Variants in SLC66A1 observed in about 807,000 individuals in gnomAD.
SLC66A1 encodes the protein lysosomal amino acid transporter 1 homolog.
SLC66A1 carries 23 observed loss-of-function variants against 33.0 expected under a neutral mutation model. The observed-to-expected ratio is 0.70, with a 90% confidence interval of 0.50 to 0.99. The LOEUF is 0.99. Ranked by LOEUF, SLC66A1 falls within the 50% of genes least tolerant of loss-of-function variation. The pLI is 0.00. For missense variants in SLC66A1, 335 were observed against 383.6 expected (o/e 0.87, Z 1.06); for synonymous variants, 164 against 175.5 (o/e 0.93, Z 0.52).
At chr1:19,326,809 C>T (rs901671885) in intron 6 of SLC66A1, among the ~76,000 whole-genome samples, 186 bp downstream of exon 6, 2 of 152,130 alleles carry the variant, frequency 1.3e-5, no homozygotes, top group East Asian at 1.9e-4. Context: ...GGAAAATGGG[C>T]GTGGCGTGGC....
chr1:19,327,127 C>T, intron 6 of SLC66A1, 100 bp from the exon 7 acceptor site: 2 of 1,202,316 alleles, frequency 1.7e-6, no homozygotes, highest in East Asian at 4.7e-5. Flanking sequence ...TGGCTCAGAG[C>T]AGGTGCACTG....
intron 2 of SLC66A1, among the ~76,000 whole-genome samples, chr1:19,323,614 C>G (rs1356745908): frequency 6.6e-6 from 1 of 152,078 alleles, no homozygotes; most frequent in African/African-American, 2.4e-5. Context: ...ACCATGTTGG[C>G]CAGGCTGGTC....
downstream of SLC66A1, among the ~76,000 whole-genome samples, chr1:19,329,533 C>T (rs889882471): frequency 2.0e-5 from 3 of 152,306 alleles, no homozygotes; most frequent in African/African-American, 4.8e-5. Context: ...TGACTCCCCA[C>T]GGGGAGCCTG....
rs866510175 is a variant in SLC66A1 at position 19,328,446 on chromosome 1, C to G, written c.805-126C>G. ...TAGCGGCTGGGAGGTTATGGCTGGC[C>G]CTTCCCACCTGCAGCGTGGGGGTGG... On this transcript the variant is annotated intron_variant, in intron 7 of 7. Transcript: ENST00000375153. This position sits in a 1 kb window ranked among gnomAD's most constrained non-coding sequence, Gnocchi z 4.7. The G allele has an allele frequency of 3.6e-5, 31 of 861,932 alleles. No individual in the cohort carries two copies. The highest frequency in any genetic ancestry group is 2.8e-4 in the Middle Eastern group (1 of 3,586). The allele number at this position is 861,932 out of a possible 1,614,324, so 53.4% of individuals were successfully genotyped here.
At position 19,328,722 on chromosome 1, in the gene SLC66A1, ACGG is replaced by A; in HGVS notation, c.*84_*86del. 1 of 1,485,464 alleles carries A rather than the reference ACGG, an allele frequency of 6.7e-7. No homozygotes were observed. The highest frequency in any genetic ancestry group is 9.2e-7 in the Non-Finnish European group (1 of 1,083,298). 92.0% of individuals were successfully genotyped at this position (1,485,464 alleles called of 1,614,324 possible). A position where few individuals can be genotyped will look rare whatever the true frequency, so the allele number is the denominator to read the frequency against. ...AGGAGGAGGTGTGGACAGTGATGGTACGGCGGCCCTGCATCAGCCTGCGGGTGG... is the reference window on the plus strand; with the variant it reads ...AGGAGGAGGTGTGGACAGTGATGGTACGGCCCTGCATCAGCCTGCGGGTGG... On this transcript the variant is annotated 3_prime_UTR_variant, in exon 8 of 8. Coordinates refer to ENST00000375153, the MANE Select transcript of SLC66A1 (RefSeq NM_001040125.2). This position sits in a 1 kb window ranked among gnomAD's most constrained non-coding sequence, Gnocchi z 4.7.
At position 19,324,666 on chromosome 1, in the gene SLC66A1, G is replaced by T. The variant is rs780074259; in HGVS notation, c.198G>T (p.Met66Ile). Residue 66 changes from methionine (M) to isoleucine (I), a missense_variant, in exon 3 of 8, where the codon ATG becomes ATT. Met to Ile is a conservative substitution (Grantham distance 10). Coordinates refer to ENST00000375153, the MANE Select transcript of SLC66A1 (RefSeq NM_001040125.2). ...QFIKAYKTGN[M>I]DQALSLWFLL... ...TCAAAGCCTACAAGACGGGCAACAT[G>T]GACCAGGCGCTGTCCCTGTGGTTCC... 1 of 1,614,202 alleles carries T rather than the reference G, an allele frequency of 6.2e-7. No homozygotes were observed. Among genetic ancestry groups the T allele is most frequent in the South Asian group, 1.1e-5 (1 of 91,090 alleles).
chr1:19,322,199 G>A (rs558029837), intron 2 of SLC66A1, among the ~76,000 whole-genome samples: 9 of 152,098 alleles, frequency 5.9e-5, no homozygotes, highest in Admixed American at 4.6e-4. Context: ...CAGACTGGAC[G>A]GGTGTAGGTG....
downstream of SLC66A1, among the ~76,000 whole-genome samples, chr1:19,331,525 G>A (rs892666515): frequency 7.9e-5 from 12 of 152,090 alleles, no homozygotes; most frequent in African/African-American, 2.4e-4. Context: ...GGAGTGGCCC[G>A]AACCCTGCTG....
rs2093872518 is a variant in SLC66A1 at position 19,327,161 on chromosome 1, A to G, written c.619-66A>G. On this transcript the variant is annotated intron_variant, in intron 6 of 7. Coordinates refer to ENST00000375153, the MANE Select transcript of SLC66A1 (RefSeq NM_001040125.2). The stretch of plus-strand genomic sequence containing the variant: ...TGTGGTGGGGCAGGTGGACATGTGG[A>G]CAGTTACAATCCAGAGTGACAAGAG... 7 of 1,445,568 alleles carry G rather than the reference A, an allele frequency of 4.8e-6. No individual in the cohort carries two copies. The South Asian group carries it at 8.6e-5, about 18-fold the overall frequency. The allele number at this position is 1,445,568 out of a possible 1,614,324, so 89.5% of individuals were successfully genotyped here.
At position 19,325,576 on chromosome 1, in the gene SLC66A1, T is replaced by C; in HGVS notation, c.376T>C (p.Ser126Pro). 6.3e-7 allele frequency: 1 copy of C among 1,594,356 alleles called. No homozygotes were observed. The highest frequency in any genetic ancestry group is 8.6e-7 in the Non-Finnish European group (1 of 1,163,712). ...YFYYKFRTRP[S>P]LLSAPINSVL... ...TTACTACAAGTTCAGGACGCGCCCC[T>C]CTCTGTGTGAGTATGGGGACCGCTC... is the stretch of plus-strand genomic sequence containing the variant. Residue 126 changes from serine to proline, a missense_variant, in exon 4 of 8, where the codon TCT becomes CCT. Transcript: ENST00000375153.
Position 19,328,155 on chromosome 1 carries a change from A to C in SLC66A1, c.805-417A>C. The C allele has an allele frequency of 3.3e-6, 1 of 301,952 alleles. No homozygotes were observed. Among genetic ancestry groups the C allele is most frequent in the Non-Finnish European group, 6.4e-6 (1 of 157,342 alleles). The allele number at this position is 301,952 out of a possible 1,614,324, so 18.7% of individuals were successfully genotyped here. Reference sequence around the variant, plus strand: ...CGTTACCTGGGTCTCATTTCGGAGCAAGTAAACATGGCCTTTGTTTTAATA... The same window carrying C: ...CGTTACCTGGGTCTCATTTCGGAGCCAGTAAACATGGCCTTTGTTTTAATA... On this transcript the variant is annotated intron_variant, in intron 7 of 7. Transcript: ENST00000375153. The surrounding 1 kb of genome is among the most constrained non-coding windows in gnomAD (Gnocchi z 4.7).
intron 7 of SLC66A1, 143 bp downstream of exon 7, chr1:19,327,555 C>CCCTCCCTA (rs1187151704): frequency 9.4e-7 from 1 of 1,061,212 alleles, no homozygotes; most frequent in South Asian, 1.4e-5. Context: ...CTCCCTCCCT[C>CCCTCCCTA]CATCTGTTCA....
chr1:19,325,717 C>A, intron 4 of SLC66A1, 135 bp downstream of exon 4: 1 of 753,356 alleles, frequency 1.3e-6, no homozygotes, highest in Non-Finnish European at 2.2e-6. Context: ...AAGCCTTCCC[C>A]GGGCCTTATC....
chr1:19,317,536 G>C, intron 1 of SLC66A1, 64 bp from the exon 2 acceptor site: 1 of 1,454,806 alleles, frequency 6.9e-7, no homozygotes, highest in East Asian at 2.4e-5. Flanking sequence ...AGCTTAGTTT[G>C]GGATGACCAT....
At chr1:19,323,536 A>G (rs2093848046) in intron 2 of SLC66A1, among the ~76,000 whole-genome samples, 2 of 152,042 alleles carry the variant, frequency 1.3e-5, no homozygotes, top group Admixed American at 1.3e-4. Flanking sequence ...CCTCCTGAAC[A>G]GCTGGGATTA....
chr1:19,332,644 G>A (rs75417391), downstream of SLC66A1, among the ~76,000 whole-genome samples: 3 of 152,168 alleles, frequency 2.0e-5, no homozygotes, highest in Non-Finnish European at 4.4e-5. Context: ...GAATCTCATC[G>A]ATGGGATTCT....
At chr1:19,322,885 AT>A (rs11445333) in intron 2 of SLC66A1, among the ~76,000 whole-genome samples, 128 of 148,724 alleles carry the variant, frequency 8.6e-4, no homozygotes, top group East Asian at 2.4e-3. Flanking sequence ...ATTAAAGACA[AT>A]TTTTTTTTTT....
rs749576168 is a variant in SLC66A1 at position 19,327,297 on chromosome 1, A to G, written c.689A>G (p.Tyr230Cys). The G allele has an allele frequency of 6.2e-7, 1 of 1,613,772 alleles. No homozygotes were observed. Among genetic ancestry groups the G allele is most frequent in the Admixed American group, 1.7e-5 (1 of 59,962 alleles). ...CTGGTGATGCTGGGGAACACGCTGT[A>G]TGGGCTGAGCGTGCTGCTCAAAAAC... ...FALVMLGNTL[Y>C]GLSVLLKNPE... Residue 230 changes from tyrosine to cysteine, a missense_variant, in exon 7 of 8, where the codon TAT becomes TGT. By Grantham distance (194) the Tyr-to-Cys change is radical. Transcript: ENST00000375153.
At chr1:19,324,611 C>CCTTCCT (rs1448140550) in intron 2 of SLC66A1, 22 bp from the exon 3 acceptor site, 2 of 1,613,654 alleles carry the variant, frequency 1.2e-6, no homozygotes, top group South Asian at 1.1e-5. Context: ...AGCATGCATC[C>CCTTCCT]CTTCCTCTTC....
Sources: gnomAD v4.1 joint callset for allele counts (sites outside exome capture counted in the v4.1 genomes callset) on GRCh38, gnomAD v4.1.1 for gene constraint, Gnocchi (gnomAD v3.1) non-coding constraint, MANE v1.5 for transcripts, NCBI Gene and HGNC (gene_info 2026-07-23, HGNC 2026-07-21) for gene names.